Variants in FAR2 observed in about 807,000 individuals in gnomAD.
The protein encoded by FAR2 is epididymis secretory protein Li 81.
FAR2 carries 19 observed loss-of-function variants against 56.0 expected under a neutral mutation model. That is an observed-to-expected ratio of 0.34 (90% CI 0.24 to 0.50). The LOEUF (loss-of-function observed/expected upper bound fraction) is 0.50. Among genes scored for constraint, FAR2 ranks in the 20% least tolerant of loss-of-function variants. The pLI is 0.98. For missense variants in FAR2, 508 were observed against 642.2 expected (o/e 0.79, Z 2.26); for synonymous variants, 219 against 218.8 (o/e 1.00, Z -0.01).
chr12:29,230,103 A>G (rs188436279), intron 1 of FAR2, among the ~76,000 whole-genome samples: 1 of 152,330 alleles, frequency 6.6e-6, no homozygotes, highest in Admixed American at 6.5e-5. Context: ...TCATAAACAG[A>G]TGACATACAC....
chr12:29,290,110 C>T (rs1052704060), intron 2 of FAR2, among the ~76,000 whole-genome samples: 2 of 152,094 alleles, frequency 1.3e-5, no homozygotes, highest in Admixed American at 1.3e-4. Context: ...ATTAGTACAA[C>T]CACTACGGAG....
intron 8 of FAR2, among the ~76,000 whole-genome samples, chr12:29,316,339 A>G (rs1255024448): frequency 1.3e-5 from 2 of 152,202 alleles, no homozygotes. Flanking sequence ...ATATTCCCAG[A>G]GAAGTATTTG....
At chr12:29,252,941 A>T (rs1036984075) in intron 1 of FAR2, among the ~76,000 whole-genome samples, 3 of 152,120 alleles carry the variant, frequency 2.0e-5, no homozygotes, top group Admixed American at 2.0e-4. Context: ...CTTTGAGTGA[A>T]GCAGGTTACC....
intron 1 of FAR2, among the ~76,000 whole-genome samples, chr12:29,211,620 T>TATTTAAGTC (rs1289170753): frequency 6.6e-6 from 1 of 152,074 alleles, no homozygotes; most frequent in African/African-American, 2.4e-5. Context: ...CCCTTTAAGT[T>TATTTAAGTC]ACTGAGCTGC....
intron 1 of FAR2, among the ~76,000 whole-genome samples, chr12:29,213,418 G>A (rs781631747): frequency 2.6e-5 from 4 of 152,104 alleles, no homozygotes; most frequent in African/African-American, 9.7e-5. Context: ...AGCCGGACGC[G>A]GTGGCTCACG....
At chr12:29,258,492 G>A (rs1445767109) in intron 1 of FAR2, among the ~76,000 whole-genome samples, 2 of 152,122 alleles carry the variant, frequency 1.3e-5, no homozygotes, top group Non-Finnish European at 2.9e-5. Context: ...GAATTTCAAT[G>A]TTTAATTTTG....
At chr12:29,225,837 C>A (rs1169085761) in intron 1 of FAR2, among the ~76,000 whole-genome samples, 1 of 152,186 alleles carries the variant, frequency 6.6e-6, no homozygotes, top group Admixed American at 6.6e-5. Context: ...TTCTTCATTT[C>A]CAAACAAAGG....
intron 1 of FAR2, among the ~76,000 whole-genome samples, chr12:29,268,713 C>T (rs1333613478): frequency 6.6e-6 from 1 of 152,168 alleles, no homozygotes; most frequent in Admixed American, 6.5e-5. Context: ...ATTGGGGAAC[C>T]TGCCCCGTAG....
intron 1 of FAR2, among the ~76,000 whole-genome samples, chr12:29,162,789 C>T (rs1949793825): frequency 6.6e-6 from 1 of 152,090 alleles, no homozygotes; most frequent in Non-Finnish European, 1.5e-5. Context: ...CTCATTAGTT[C>T]CCCCAACTCT....
intron 1 of FAR2, among the ~76,000 whole-genome samples, chr12:29,242,226 G>A (rs1309238835): frequency 7.2e-5 from 11 of 152,132 alleles, no homozygotes; most frequent in African/African-American, 2.7e-4. Context: ...TGACAAATAA[G>A]GTGTAGTAAT....
intron 1 of FAR2, among the ~76,000 whole-genome samples, chr12:29,221,716 A>G (rs1400382604): frequency 1.3e-5 from 2 of 152,208 alleles, no homozygotes; most frequent in African/African-American, 4.8e-5. Context: ...TAAGAATGAT[A>G]TATCATTATT....
intron 1 of FAR2, among the ~76,000 whole-genome samples, chr12:29,240,890 C>T (rs1449413653): frequency 1.3e-5 from 2 of 152,100 alleles, no homozygotes; most frequent in African/African-American, 4.8e-5. Flanking sequence ...ACTGCAGCCT[C>T]CGCTTCCTGG....
intron 10 of FAR2, among the ~76,000 whole-genome samples, chr12:29,328,732 G>T (rs759768181): frequency 1.0e-4 from 15 of 146,012 alleles, no homozygotes; most frequent in Non-Finnish European, 2.0e-4. Context: ...TCACACACCG[G>T]GGCCTGTTGT....
chr12:29,330,830 CT>C (rs1949720550), intron 10 of FAR2, among the ~76,000 whole-genome samples: 1 of 152,074 alleles, frequency 6.6e-6, no homozygotes, highest in African/African-American at 2.4e-5. Flanking sequence ...TTGGTACCAT[CT>C]AAGCCTCGAT....
chr12:29,192,446 A>G (rs1950110627), intron 1 of FAR2, among the ~76,000 whole-genome samples: 1 of 152,194 alleles, frequency 6.6e-6, no homozygotes, highest in Non-Finnish European at 1.5e-5. Context: ...CCTGGGCACT[A>G]TGATGGATGC....
intron 2 of FAR2, among the ~76,000 whole-genome samples, chr12:29,271,339 T>C (rs866422571): frequency 3.3e-5 from 5 of 152,250 alleles, no homozygotes; most frequent in South Asian, 2.1e-4. Flanking sequence ...TTCTGGCTTA[T>C]GAATTTGTTG....
At chr12:29,173,904 C>T (rs1408368701) in intron 1 of FAR2, among the ~76,000 whole-genome samples, 1 of 152,120 alleles carries the variant, frequency 6.6e-6, no homozygotes, top group Non-Finnish European at 1.5e-5. Flanking sequence ...CTTACTAACA[C>T]ATTCTCAAAA....
At chr12:29,329,075 A>C (rs991010608) in intron 10 of FAR2, among the ~76,000 whole-genome samples, 1 of 152,188 alleles carries the variant, frequency 6.6e-6, no homozygotes, top group Non-Finnish European at 1.5e-5. Context: ...ACAAAAGGCA[A>C]GATTTAGAGG....
intron 1 of FAR2, among the ~76,000 whole-genome samples, chr12:29,253,207 G>GATATATCGATATCTATATCTA (rs1565489252): frequency 1.2e-5 from 1 of 84,046 alleles, no homozygotes; most frequent in African/African-American, 5.3e-5. Context: ...ATCTAGATAG[G>GATATATCGATATCTATATCTA]TATCTATATA....
Sources: allele counts gnomAD v4.1 joint callset (sites outside exome capture counted in the v4.1 genomes callset), GRCh38; gene constraint gnomAD v4.1.1; transcripts MANE v1.5; gene names NCBI Gene and HGNC (gene_info 2026-07-23, HGNC 2026-07-21).